LEPR: variants seen among roughly 807,000 people sequenced by gnomAD.
LEPR encodes OB receptor.
In LEPR, 56 loss-of-function variants were observed where a neutral mutation model predicts 114.7. That is an observed-to-expected ratio of 0.49 (90% CI 0.39 to 0.61). The LOEUF (loss-of-function observed/expected upper bound fraction) is 0.61, where lower values mean the gene tolerates loss of function less well. Among genes scored for constraint, LEPR ranks in the 20% least tolerant of loss-of-function variants. The pLI is 0.00. For missense variants in LEPR, 1,202 were observed against 1,352.9 expected (o/e 0.89, Z 1.75); for synonymous variants, 443 against 461.4 (o/e 0.96, Z 0.51).
At chr1:65,480,823 A>G (rs2025803) in intron 2 of LEPR, among the ~76,000 whole-genome samples, 49,193 of 151,926 alleles carry the variant, frequency 0.32, 10,160 homozygotes, top group Non-Finnish European at 0.46. Flanking sequence ...AGACAGAAAA[A>G]TCTCTAGCAA....
At chr1:65,546,107 C>G (rs1464233911) in intron 2 of LEPR, among the ~76,000 whole-genome samples, 1 of 152,092 alleles carries the variant, frequency 6.6e-6, no homozygotes, top group Admixed American at 6.5e-5. Context: ...TGTCAAAGAT[C>G]AGATAGTTGT....
intron 2 of LEPR, among the ~76,000 whole-genome samples, chr1:65,519,013 C>CTTTCTTTCTTCTTTCTT: frequency 1.5e-5 from 1 of 66,172 alleles, no homozygotes; most frequent in Non-Finnish European, 5.6e-5. Context: ...TTCTTTCTTT[C>CTTTCTTTCTTCTTTCTT]TCTTTCTTTC....
At chr1:65,443,661 TTC>T (rs1206754130) in intron 2 of LEPR, among the ~76,000 whole-genome samples, 1 of 152,168 alleles carries the variant, frequency 6.6e-6, no homozygotes, top group African/African-American at 2.4e-5. Context: ...CATCTCGGTC[TTC>T]TTTTGGAATC....
At chr1:65,458,401 G>A (rs1279341136) in intron 2 of LEPR, among the ~76,000 whole-genome samples, 2 of 152,156 alleles carry the variant, frequency 1.3e-5, no homozygotes, top group African/African-American at 4.8e-5. Context: ...TTTCATTTGA[G>A]AAAATCTTTG....
intron 7 of LEPR, among the ~76,000 whole-genome samples, 164 bp from the exon 8 acceptor site, chr1:65,598,496 A>AC (rs1485841847): frequency 6.6e-6 from 1 of 151,942 alleles, no homozygotes; most frequent in Non-Finnish European, 1.5e-5. Flanking sequence ...TAATGTGCAA[A>AC]CTTTTTTTTT....
chr1:65,592,542 T>A, intron 5 of LEPR, 115 bp from the exon 6 acceptor site: 1 of 1,097,384 alleles, frequency 9.1e-7, no homozygotes, highest in Non-Finnish European at 1.3e-6. Context: ...TCAGATACCC[T>A]TTAAGCTGGG....
intron 2 of LEPR, among the ~76,000 whole-genome samples, chr1:65,460,124 T>A (rs140395597): frequency 1.1e-4 from 17 of 152,186 alleles, no homozygotes; most frequent in Non-Finnish European, 1.9e-4. Context: ...GACCATAATC[T>A]ATATTACATA....
At position 65,640,498 on chromosome 1, in the gene LEPR, C is replaced by G. The variant is rs1205566355; in HGVS notation, c.*3483C>G. 3 of 152,100 alleles carry G rather than the reference C, an allele frequency of 2.0e-5. No individual in the cohort carries two copies. Among genetic ancestry groups the G allele is most frequent in the African/African-American group, 7.2e-5 (3 of 41,430 alleles). 9.4% of individuals were successfully genotyped at this position (152,100 alleles called of 1,614,324 possible). A position where few individuals can be genotyped will look rare whatever the true frequency, so the allele number is the denominator to read the frequency against. ...ACTCTACTATGACTGAAAGAAGCAGCATTCAAGAAAAAATTTAAACATAGT... is the reference window on the plus strand; with the variant it reads ...ACTCTACTATGACTGAAAGAAGCAGGATTCAAGAAAAAATTTAAACATAGT... On this transcript the variant is annotated 3_prime_UTR_variant, in exon 20 of 20. Transcript: ENST00000349533.
At chr1:65,566,201 C>CTTTTTTTTTTTTTTTTTTTTT (rs35617332) in intron 3 of LEPR, among the ~76,000 whole-genome samples, 1 of 113,572 alleles carries the variant, frequency 8.8e-6, no homozygotes, top group African/African-American at 3.3e-5. Flanking sequence ...TAGATTAATT[C>CTTTTTTTTTTTTTTTTTTTTT]TTTTTTTTTT....
chr1:65,493,888 C>T (rs762028399), intron 2 of LEPR: 1 of 152,116 alleles, frequency 6.6e-6, no homozygotes, highest in Non-Finnish European at 1.5e-5. Flanking sequence ...TGTCAACAGA[C>T]CTGGATTCTG....
At chr1:65,625,273 A>G (rs903132415) in intron 19 of LEPR, among the ~76,000 whole-genome samples, 12 of 152,294 alleles carry the variant, frequency 7.9e-5, no homozygotes, top group African/African-American at 2.9e-4. Flanking sequence ...GGCTGGGTTG[A>G]AAGTAGAATA....
At chr1:65,488,194 T>TTCTCTCTCTCTCTC (rs1553157680) in intron 2 of LEPR, among the ~76,000 whole-genome samples, 1 of 22,972 alleles carries the variant, frequency 4.4e-5, no homozygotes, top group African/African-American at 1.9e-4. Context: ...CTTTCTTTCT[T>TTCTCTCTCTCTCTC]TCTTTCTTTC....
intron 1 of LEPR, among the ~76,000 whole-genome samples, chr1:65,422,271 C>CCATGGGAAGA (rs1304773173): frequency 6.6e-5 from 10 of 152,198 alleles, no homozygotes; most frequent in African/African-American, 2.4e-4. Context: ...AGGGAGAATA[C>CCATGGGAAGA]CATGGGAAGA....
intron 2 of LEPR, among the ~76,000 whole-genome samples, chr1:65,540,050 C>G (rs1651078219): frequency 1.3e-5 from 2 of 152,152 alleles, no homozygotes; most frequent in Non-Finnish European, 2.9e-5. Context: ...GTTAGTCACT[C>G]TCCTGACAGT....
In LEPR at chr1:65,592,761, T is replaced by C. The variant is rs1655792284; in HGVS notation, c.599T>C (p.Val200Ala). Reference sequence around the variant, plus strand: ...GAATGTTGTGAATGTCTTGTGCCTGTGCCAACAGCCAAACTCAACGACACT... The same window carrying C: ...GAATGTTGTGAATGTCTTGTGCCTGCGCCAACAGCCAAACTCAACGACACT... ...VHECCECLVPVPTAKLNDTLL... is the reference protein window; with the variant it reads ...VHECCECLVPAPTAKLNDTLL... The change falls in exon 6 of 20, where the codon GTG becomes GCG. Residue 200 changes from valine (V) to alanine (A), a missense_variant. Transcript: ENST00000349533. 2 of 1,613,268 alleles carry C rather than the reference T, an allele frequency of 1.2e-6. No homozygotes were observed. Among genetic ancestry groups the C allele is most frequent in the South Asian group, 2.2e-5 (2 of 91,074 alleles).
At chr1:65,504,881 C>T (rs1388189585) in intron 2 of LEPR, among the ~76,000 whole-genome samples, 1 of 152,090 alleles carries the variant, frequency 6.6e-6, no homozygotes, top group African/African-American at 2.4e-5. Context: ...TATCACTTTT[C>T]TGAGCATCTA....
At chr1:65,600,269 C>T (rs756802585) in intron 8 of LEPR, among the ~76,000 whole-genome samples, 16 of 152,012 alleles carry the variant, frequency 1.1e-4, no homozygotes, top group Non-Finnish European at 1.0e-4. Flanking sequence ...AGTGCCACCT[C>T]GGCTAGGATT....
intron 2 of LEPR, among the ~76,000 whole-genome samples, chr1:65,467,490 C>G (rs1237530617): frequency 6.6e-6 from 1 of 152,152 alleles, no homozygotes; most frequent in Non-Finnish European, 1.5e-5. Flanking sequence ...ACACGGGGGT[C>G]AGGGACCCAC....
rs749357013 is a variant in LEPR at position 65,485,514 on chromosome 1, GA to G, written c.-21+60137del. Reference sequence around the variant, plus strand: ...TCTTGCATCTTTCTGTTGCCATAGAGAGCATCACCATCACCTTTTAGATAGG... The same window carrying G: ...TCTTGCATCTTTCTGTTGCCATAGAGGCATCACCATCACCTTTTAGATAGG... On this transcript the variant is annotated intron_variant, in intron 2 of 19. Coordinates refer to ENST00000349533, the MANE Select transcript of LEPR (RefSeq NM_002303.6). Among the ~76,000 whole-genome samples, 4 of 152,226 alleles carry G rather than the reference GA, an allele frequency of 2.6e-5. No homozygotes were observed. In the East Asian group the frequency reaches 7.7e-4, roughly 29 times the overall value.
Sources: gnomAD v4.1 joint callset for allele counts (sites outside exome capture counted in the v4.1 genomes callset) on GRCh38, gnomAD v4.1.1 for gene constraint, MANE v1.5 for transcripts, NCBI Gene and HGNC (gene_info 2026-07-23, HGNC 2026-07-21) for gene names.